The following DAZL variants were observed in gnomAD, a reference collection of about 807,000 sequenced individuals.
DAZL encodes the protein deleted in azoospermia like.
DAZL carries 4 observed loss-of-function variants against 45.0 expected under a neutral mutation model. The observed-to-expected ratio is 0.09, with a 90% CI of 0.04 to 0.20. The LOEUF is 0.20. DAZL is among the 10% of genes least tolerant of loss of function. The pLI, the probability that DAZL is intolerant of heterozygous loss-of-function variation, is 1.00. For synonymous variants in DAZL, 122 were observed against 112.4 expected, an observed-to-expected ratio of 1.09 and a Z score of -0.54; for missense variants, 326 against 351.3, an observed-to-expected ratio of 0.93 and a Z score of 0.58.
intron 1 of DAZL, chr3:16,604,826 G>C: frequency 1.0e-6 from 1 of 990,150 alleles, no homozygotes; most frequent in Non-Finnish European, 1.4e-6. Flanking sequence ...GGGGGAGCGC[G>C]TGGGAGTGGG....
At chr3:16,595,131 G>A (rs1694578822) in intron 7 of DAZL, among the ~76,000 whole-genome samples, 183 bp downstream of exon 7, 1 of 152,048 alleles carries the variant, frequency 6.6e-6, no homozygotes, top group Non-Finnish European at 1.5e-5. Context: ...GTATATCCCT[G>A]TCAAAATATT....
chr3:16,595,168 G>A lies in DAZL; in HGVS notation c.570+146C>T, dbSNP rs906225397. On this transcript the variant is annotated intron_variant, in intron 7 of 10. Transcript: ENST00000399444. ...TTCCATTACTTCTAAATAATAAAGAGGTCTTAATTCTAGACTAATTTTTTT... is the reference window on the plus strand; with the variant it reads ...TTCCATTACTTCTAAATAATAAAGAAGTCTTAATTCTAGACTAATTTTTTT... 3 of 510,560 alleles carry A rather than the reference G, an allele frequency of 5.9e-6. No homozygotes were observed. In the East Asian group the frequency reaches 9.4e-5, roughly 16 times the overall value. 31.6% of individuals were successfully genotyped at this position (510,560 alleles called of 1,614,324 possible). A position where few individuals can be genotyped will look rare whatever the true frequency, so the allele number is the denominator to read the frequency against.
At chr3:16,604,294 G>A (rs1416090418) in intron 1 of DAZL, 3 of 685,526 alleles carry the variant, frequency 4.4e-6, no homozygotes, top group South Asian at 4.0e-5. Context: ...GCAACGCTAG[G>A]CATTTACCAA....
At position 16,594,724 on chromosome 3, in the gene DAZL, T is replaced by C. The variant is rs1694571165; in HGVS notation, c.571-141A>G. ...TAAAAGAAACAGAATGAAAAAAAAG[T>C]ACTTTATGTTTCTAATCCCTGATGT... On this transcript the variant is annotated intron_variant, in intron 7 of 10. Coordinates refer to ENST00000399444, the MANE Select transcript of DAZL (RefSeq NM_001351.4). 5.4e-6 allele frequency: 3 copies of C among 552,388 alleles called. No individual in the cohort carries two copies. The East Asian group carries it at 9.4e-5, about 17-fold the overall frequency. 34.2% of individuals were successfully genotyped at this position (552,388 alleles called of 1,614,324 possible). A position where few individuals can be genotyped will look rare whatever the true frequency, so the allele number is the denominator to read the frequency against.
chr3:16,592,209 T>C lies in DAZL; in HGVS notation c.736-61A>G. On this transcript the variant is annotated intron_variant, in intron 9 of 10. Coordinates refer to ENST00000399444, the MANE Select transcript of DAZL (RefSeq NM_001351.4). ...CTCTTTCACTCACTCTTAGTAAGGG[T>C]TTTTTTTTGATAGTTTAATGAATAT... The C allele has an allele frequency of 4.5e-6, 7 of 1,546,348 alleles. No homozygotes were observed. In the South Asian group the frequency reaches 6.8e-5, roughly 15 times the overall value.
chr3:16,602,578 G>A (rs1395526289), intron 1 of DAZL, among the ~76,000 whole-genome samples: 3 of 152,024 alleles, frequency 2.0e-5, no homozygotes, highest in African/African-American at 7.2e-5. Context: ...AAGTAACAAA[G>A]CCTCATCAAG....
chr3:16,593,517 A>C (rs1034575475), intron 9 of DAZL, 138 bp downstream of exon 9: 19 of 600,436 alleles, frequency 3.2e-5, no homozygotes, highest in Non-Finnish European at 5.2e-5. Flanking sequence ...CTATTTGGTC[A>C]AGCCAGTCAA....
chr3:16,592,641 A>C (rs1377530662), intron 9 of DAZL, among the ~76,000 whole-genome samples: 1 of 152,150 alleles, frequency 6.6e-6, no homozygotes, highest in Non-Finnish European at 1.5e-5. Context: ...TCAATATGCA[A>C]GTTTTCTGAC....
At position 16,586,985 on chromosome 3, in the gene DAZL, A is replaced by G. The variant is rs1169568916; in HGVS notation, c.*1675T>C. On this transcript the variant is annotated 3_prime_UTR_variant, in exon 11 of 11. Transcript: ENST00000399444. Reference sequence around the variant, plus strand: ...TATTCCCTTACTTTTCCTTAAGGTCATATTGGAATAATTAGAAGTAGCTCT... The same window carrying G: ...TATTCCCTTACTTTTCCTTAAGGTCGTATTGGAATAATTAGAAGTAGCTCT... 2.0e-5 allele frequency: 3 copies of G among 152,154 alleles called. No homozygotes were observed. The highest frequency in any genetic ancestry group is 3.8e-4 in the East Asian group (2 of 5,204). 9.4% of individuals were successfully genotyped at this position (152,154 alleles called of 1,614,324 possible).
In DAZL at chr3:16,597,519, TA is replaced by T; in HGVS notation, c.264del (p.Phe88LeufsTer9). ...VSKGYGFVSF[F>X]NDVDVQKIVE... ...ACTATCTTCTGCACATCCACGTCAT[TA>T]AAAAATGAAACAAATCCATAGCTAT... On this transcript the variant is annotated frameshift_variant, in exon 4 of 11. Coordinates refer to ENST00000399444, the MANE Select transcript of DAZL (RefSeq NM_001351.4). LOFTEE classifies it high-confidence loss of function. 2.5e-6 allele frequency: 4 copies of T among 1,573,602 alleles called. No homozygotes were observed. Among genetic ancestry groups the T allele is most frequent in the Non-Finnish European group, 3.5e-6 (4 of 1,143,506 alleles).
intron 10 of DAZL, among the ~76,000 whole-genome samples, chr3:16,589,595 C>T (rs1347995193): frequency 1.3e-5 from 2 of 152,144 alleles, no homozygotes; most frequent in Non-Finnish European, 2.9e-5. Context: ...TAAATACATT[C>T]AAAAATACCT....
Position 16,598,178 on chromosome 3 carries a change from T to C in DAZL, c.151A>G (p.Met51Val). ...TVFVGGIDVRMDETEIRSFFA... is the reference protein window; with the variant it reads ...TVFVGGIDVRVDETEIRSFFA... ...AAGCTTCTAATCTCAGTTTCATCCA[T>C]CTATGGAAAAGAATTGAACTTCAAG... Residue 51 changes from methionine to valine, a missense_variant and splice_region_variant, in exon 3 of 11, where the codon ATG becomes GTG. Transcript: ENST00000399444. The C allele has an allele frequency of 6.3e-7, 1 of 1,589,532 alleles. No individual in the cohort carries two copies. Among genetic ancestry groups the C allele is most frequent in the Non-Finnish European group, 8.6e-7 (1 of 1,160,640 alleles).
intron 10 of DAZL, 89 bp from the exon 11 acceptor site, chr3:16,588,802 T>TG: frequency 9.7e-7 from 1 of 1,035,632 alleles, no homozygotes; most frequent in Non-Finnish European, 1.5e-6. Context: ...TTAAACCATT[T>TG]GTTTTGGGTT....
chr3:16,594,232 A>G (rs1200490037), intron 8 of DAZL, among the ~76,000 whole-genome samples: 1 of 152,164 alleles, frequency 6.6e-6, no homozygotes, highest in Non-Finnish European at 1.5e-5. Flanking sequence ...TGCTAATTCT[A>G]AAGCCACATT....
At chr3:16,591,693 A>G (rs190296487) in intron 10 of DAZL, among the ~76,000 whole-genome samples, 3 of 152,208 alleles carry the variant, frequency 2.0e-5, no homozygotes, top group South Asian at 2.1e-4. Flanking sequence ...CTCAGCCCCC[A>G]AAAGTGCTGG....
intron 4 of DAZL, among the ~76,000 whole-genome samples, 190 bp downstream of exon 4, chr3:16,597,300 T>C (rs144732181): frequency 6.6e-6 from 1 of 152,244 alleles, no homozygotes; most frequent in Non-Finnish European, 1.5e-5. Context: ...TTCCTGTCTG[T>C]AGTTCATGAA....
In DAZL at chr3:16,598,571, A is replaced by G; in HGVS notation, c.31T>C (p.Ser11Pro). 1 of 1,599,340 alleles carries G rather than the reference A, an allele frequency of 6.3e-7. No individual in the cohort carries two copies. The highest frequency in any genetic ancestry group is 8.5e-7 in the Non-Finnish European group (1 of 1,178,518). MSTANPETPN[S>P]TISREASTQS... The stretch of plus-strand genomic sequence containing the variant: ...GTGCTGGCCTCTCTGGAGATGGTTG[A>G]GTTTGGAGTTTCAGGATTTGCAGTA... The change falls in exon 2 of 11, where the codon TCA becomes CCA. Residue 11 changes from serine to proline, a missense_variant. Physicochemically the swap from Ser to Pro is moderately conservative, Grantham distance 74. Transcript: ENST00000399444.
intron 1 of DAZL, among the ~76,000 whole-genome samples, chr3:16,603,312 C>T (rs1212273801): frequency 6.6e-5 from 10 of 152,050 alleles, no homozygotes; most frequent in African/African-American, 2.4e-4. Flanking sequence ...ATTAATAATA[C>T]AAGCATGCCA....
At chr3:16,592,375 G>T (rs1694534605) in intron 9 of DAZL, among the ~76,000 whole-genome samples, 1 of 152,006 alleles carries the variant, frequency 6.6e-6, no homozygotes, top group Non-Finnish European at 1.5e-5. Flanking sequence ...AGACCAGCCT[G>T]GCCAATATGG....
Sources: gnomAD v4.1 joint callset for allele counts (sites outside exome capture counted in the v4.1 genomes callset) on GRCh38, gnomAD v4.1.1 for gene constraint, MANE v1.5 for transcripts, NCBI Gene and HGNC (gene_info 2026-07-23, HGNC 2026-07-21) for gene names.